RPH3A: variants seen among roughly 807,000 people sequenced by gnomAD.
RPH3A encodes rabphilin-3A.
Under a neutral mutation model 102.2 loss-of-function variants are expected in RPH3A, and 48 were observed. That is an observed-to-expected ratio of 0.47 (90% CI 0.37 to 0.60). RPH3A has a LOEUF of 0.60. Ranked by LOEUF, RPH3A falls within the 20% of genes least tolerant of loss-of-function variation. The pLI is 0.00. For synonymous variants in RPH3A, 310 were observed against 324.3 expected (o/e 0.96, Z 0.47); for missense variants, 781 against 910.1 (o/e 0.86, Z 1.83).
intron 2 of RPH3A, among the ~76,000 whole-genome samples, chr12:112,819,568 T>C (rs1593040269): frequency 1.3e-5 from 2 of 152,370 alleles, no homozygotes; most frequent in South Asian, 4.1e-4. Context: ...TTTTGCTGTG[T>C]AACAAACCAC....
chr12:112,688,860 A>C (rs2040286665), intron 1 of RPH3A, among the ~76,000 whole-genome samples: 1 of 152,202 alleles, frequency 6.6e-6, no homozygotes, highest in African/African-American at 2.4e-5. Context: ...GAACTGCTCA[A>C]TACATGTTTG....
At chr12:112,594,506 C>G (rs1288053307) in intron 1 of RPH3A, among the ~76,000 whole-genome samples, 1 of 152,180 alleles carries the variant, frequency 6.6e-6, no homozygotes, top group Non-Finnish European at 1.5e-5. Context: ...AATAATCCCT[C>G]CCTCCATTTA....
At chr12:112,589,822 C>T (rs1299601871) in intron 1 of RPH3A, among the ~76,000 whole-genome samples, 2 of 152,196 alleles carry the variant, frequency 1.3e-5, no homozygotes, top group East Asian at 1.9e-4. Context: ...GTGGCTCACG[C>T]CTGTAATCCC....
At chr12:112,683,065 T>C (rs1566257348) in intron 1 of RPH3A, among the ~76,000 whole-genome samples, 1 of 152,212 alleles carries the variant, frequency 6.6e-6, no homozygotes, top group African/African-American at 2.4e-5. Context: ...TAGTCTGTAA[T>C]CACCACGAAG....
chr12:112,800,025 G>A (rs1857857521), intron 2 of RPH3A, among the ~76,000 whole-genome samples: 1 of 152,178 alleles, frequency 6.6e-6, no homozygotes, highest in African/African-American at 2.4e-5. Flanking sequence ...TGCAGACTCA[G>A]CAGTGAGGGA....
chr12:112,646,415 T>C (rs1413053245), intron 1 of RPH3A, among the ~76,000 whole-genome samples: 1 of 152,222 alleles, frequency 6.6e-6, no homozygotes, highest in Non-Finnish European at 1.5e-5. Flanking sequence ...TTTTCGTTTG[T>C]GTGCCTCTTT....
At chr12:112,702,529 G>A (rs1192595526) in intron 1 of RPH3A, among the ~76,000 whole-genome samples, 3 of 152,212 alleles carry the variant, frequency 2.0e-5, no homozygotes, top group African/African-American at 7.2e-5. Context: ...TAAGTGGCTT[G>A]CCCAAGCCCA....
intron 1 of RPH3A, among the ~76,000 whole-genome samples, chr12:112,780,515 C>T (rs944412675): frequency 4.6e-5 from 7 of 152,192 alleles, no homozygotes; most frequent in Non-Finnish European, 5.9e-5. Flanking sequence ...AGCCGATAAA[C>T]GTAATCTTGC....
At chr12:112,804,694 C>T (rs1286481181) in intron 2 of RPH3A, among the ~76,000 whole-genome samples, 1 of 152,174 alleles carries the variant, frequency 6.6e-6, no homozygotes, top group Non-Finnish European at 1.5e-5. Context: ...CCACAGCCCC[C>T]CGTACTTCAG....
At chr12:112,828,905 C>T (rs908415077) in intron 3 of RPH3A, among the ~76,000 whole-genome samples, 5 of 152,178 alleles carry the variant, frequency 3.3e-5, no homozygotes, top group Non-Finnish European at 5.9e-5. Flanking sequence ...TTCAAAATAT[C>T]AGAAGACCTG....
chr12:112,606,441 G>A (rs1048648180), intron 1 of RPH3A, among the ~76,000 whole-genome samples: 1 of 152,108 alleles, frequency 6.6e-6, no homozygotes, highest in African/African-American at 2.4e-5. Context: ...GAGTGCAGTG[G>A]CGCCATCTCG....
At chr12:112,695,942 G>A (rs886618094) in intron 1 of RPH3A, among the ~76,000 whole-genome samples, 2 of 152,136 alleles carry the variant, frequency 1.3e-5, no homozygotes, top group East Asian at 3.8e-4. Flanking sequence ...CCTATCATCT[G>A]AGCAGTGTAC....
chr12:112,889,176 A>G (rs1045294609), intron 17 of RPH3A, among the ~76,000 whole-genome samples: 1 of 152,280 alleles, frequency 6.6e-6, no homozygotes, highest in Non-Finnish European at 1.5e-5. Context: ...TTCCAGGCTC[A>G]GAATAAATCC....
chr12:112,892,319 G>A (rs904476747), intron 19 of RPH3A, among the ~76,000 whole-genome samples: 2 of 152,210 alleles, frequency 1.3e-5, no homozygotes, highest in African/African-American at 2.4e-5. Context: ...GAAGATACAG[G>A]TGTGCCTGTA....
chr12:112,741,487 T>C (rs2040709096), intron 1 of RPH3A, among the ~76,000 whole-genome samples: 1 of 152,160 alleles, frequency 6.6e-6, no homozygotes, highest in Admixed American at 6.5e-5. Flanking sequence ...AGAGCTGTCT[T>C]TGTTTAGAAG....
At chr12:112,733,603 C>T (rs769394954) in intron 1 of RPH3A, among the ~76,000 whole-genome samples, 3 of 152,136 alleles carry the variant, frequency 2.0e-5, no homozygotes, top group Non-Finnish European at 2.9e-5. Context: ...CCTGCCATGC[C>T]CAGTCATTGA....
At chr12:112,847,087 G>A (rs2042243501) in intron 4 of RPH3A, among the ~76,000 whole-genome samples, 1 of 152,194 alleles carries the variant, frequency 6.6e-6, no homozygotes, top group Non-Finnish European at 1.5e-5. Context: ...ATAATAAGCT[G>A]AGGCGGGCAC....
intron 1 of RPH3A, among the ~76,000 whole-genome samples, chr12:112,712,499 G>A (rs2040469427): frequency 6.6e-6 from 1 of 152,092 alleles, no homozygotes; most frequent in Non-Finnish European, 1.5e-5. Flanking sequence ...ACAAAAAGGT[G>A]TAAAGAATAA....
chr12:112,713,094 CT>C (rs2040490737), intron 1 of RPH3A, among the ~76,000 whole-genome samples: 1 of 109,546 alleles, frequency 9.1e-6, no homozygotes, highest in Non-Finnish European at 2.0e-5. Flanking sequence ...TCTTCTTCTT[CT>C]TCTTCTTTTA....
Sources: allele counts gnomAD v4.1 joint callset (sites outside exome capture counted in the v4.1 genomes callset), GRCh38; gene constraint gnomAD v4.1.1; transcripts MANE v1.5; gene names NCBI Gene and HGNC (gene_info 2026-07-23, HGNC 2026-07-21).